PSMD14: variants seen among roughly 807,000 people sequenced by gnomAD.
The protein encoded by PSMD14 is proteasome 26S subunit, non-ATPase 14, also known as ubiquitin C-terminal hydrolase PSMD14.
Under a neutral mutation model 41.2 loss-of-function variants are expected in PSMD14, and 7 were observed. The ratio of observed to expected loss-of-function variants is 0.17; its 90% CI spans 0.10 to 0.32. The LOEUF is 0.32. Ranked by LOEUF, PSMD14 falls within the 10% of genes least tolerant of loss-of-function variation. The pLI, the probability that PSMD14 is intolerant of heterozygous loss-of-function variation, is 1.00. For synonymous variants in PSMD14, 114 were observed against 122.3 expected (o/e 0.93, Z 0.45); for missense variants, 139 against 375.6 (o/e 0.37, Z 5.21).
rs36202166 is a variant in PSMD14 at position 161,366,387 on chromosome 2, AACACACACACAC to A, written c.49-1067_49-1056del. On this transcript the variant is annotated intron_variant, in intron 3 of 11. Transcript: ENST00000409682. The stretch of plus-strand genomic sequence containing the variant: ...AAAACAATACAAAGTAATAGAATTT[AACACACACACAC>A]ACACACACACACACACACACACAAA... Among the ~76,000 whole-genome samples, 34 of 148,508 alleles carry A rather than the reference AACACACACACAC, an allele frequency of 2.3e-4. 1 individual carries two copies. The highest frequency in any genetic ancestry group is 1.1e-3 in the South Asian group (5 of 4,620).
At chr2:161,342,406 G>C (rs1054456305) in intron 3 of PSMD14, among the ~76,000 whole-genome samples, 1 of 151,844 alleles carries the variant, frequency 6.6e-6, no homozygotes, top group African/African-American at 2.4e-5. Context: ...ATGATTATAT[G>C]ACTCCTTTGT....
chr2:161,359,783 A>G (rs1039114668), intron 3 of PSMD14, among the ~76,000 whole-genome samples: 1 of 152,220 alleles, frequency 6.6e-6, no homozygotes, highest in Non-Finnish European at 1.5e-5. Context: ...CTCCCAGAAT[A>G]AAAGTAGACT....
At chr2:161,388,687 T>A (rs532084980) in intron 8 of PSMD14, among the ~76,000 whole-genome samples, 1 of 152,254 alleles carries the variant, frequency 6.6e-6, no homozygotes, top group South Asian at 2.1e-4. Flanking sequence ...AGTTTATCAA[T>A]ATAAAATAAA....
At chr2:161,355,327 ATAT>A (rs1469294417) in intron 3 of PSMD14, among the ~76,000 whole-genome samples, 4 of 152,120 alleles carry the variant, frequency 2.6e-5, no homozygotes, top group Non-Finnish European at 4.4e-5. Context: ...TCTTACTCTG[ATAT>A]TATGAGTTTT....
At chr2:161,372,862 A>G (rs1355547825) in intron 7 of PSMD14, among the ~76,000 whole-genome samples, 2 of 151,940 alleles carry the variant, frequency 1.3e-5, no homozygotes, top group Non-Finnish European at 2.9e-5. Context: ...GTAATAATTA[A>G]AGCTTAATTT....
chr2:161,405,990 AAAAC>A (rs1683942741), intron 10 of PSMD14, among the ~76,000 whole-genome samples: 2 of 152,114 alleles, frequency 1.3e-5, no homozygotes, highest in African/African-American at 4.8e-5. Flanking sequence ...CAGAAAGTTA[AAAAC>A]AACAACAACA....
chr2:161,335,180 A>G (rs1159829953), intron 3 of PSMD14, among the ~76,000 whole-genome samples: 8 of 152,258 alleles, frequency 5.3e-5, no homozygotes, highest in Non-Finnish European at 1.2e-4. Flanking sequence ...TCAGAATACA[A>G]ATGGGCACAT....
At chr2:161,334,075 G>A (rs1325915560) in intron 3 of PSMD14, among the ~76,000 whole-genome samples, 1 of 152,062 alleles carries the variant, frequency 6.6e-6, no homozygotes, top group East Asian at 1.9e-4. Context: ...GCTCACACCT[G>A]TAATCCTAGC....
chr2:161,354,194 G>A (rs1457247857), intron 3 of PSMD14, among the ~76,000 whole-genome samples: 1 of 152,018 alleles, frequency 6.6e-6, no homozygotes, highest in Non-Finnish European at 1.5e-5. Flanking sequence ...TATATTTTCT[G>A]GTTTCTGAAG....
At chr2:161,341,768 G>A (rs1350413773) in intron 3 of PSMD14, among the ~76,000 whole-genome samples, 1 of 149,974 alleles carries the variant, frequency 6.7e-6, no homozygotes, top group Admixed American at 6.6e-5. Flanking sequence ...GAACCCGGGA[G>A]GCAAAGGTTG....
intron 3 of PSMD14, among the ~76,000 whole-genome samples, chr2:161,363,365 C>A (rs1179980065): frequency 6.6e-6 from 1 of 152,134 alleles, no homozygotes; most frequent in Non-Finnish European, 1.5e-5. Context: ...TTTGGGACAT[C>A]TAGAAATTTA....
intron 7 of PSMD14, among the ~76,000 whole-genome samples, chr2:161,377,353 G>A (rs1044386574): frequency 7.3e-5 from 11 of 151,708 alleles, no homozygotes; most frequent in African/African-American, 2.7e-4. Context: ...CTTGGAACAA[G>A]TTTTGTTACT....
intron 1 of PSMD14, among the ~76,000 whole-genome samples, chr2:161,315,695 A>G (rs1689140268): frequency 6.6e-6 from 1 of 152,162 alleles, no homozygotes; most frequent in African/African-American, 2.4e-5. Context: ...ATGATAAAAT[A>G]GCAAATTTTC....
chr2:161,368,544 T>G (rs1683390662), intron 5 of PSMD14, among the ~76,000 whole-genome samples: 1 of 152,082 alleles, frequency 6.6e-6, no homozygotes, highest in Non-Finnish European at 1.5e-5. Flanking sequence ...TAGACTTGTG[T>G]TGATAGATGT....
intron 3 of PSMD14, among the ~76,000 whole-genome samples, chr2:161,351,950 A>G (rs894360732): frequency 6.6e-6 from 1 of 152,210 alleles, no homozygotes; most frequent in Non-Finnish European, 1.5e-5. Context: ...GAAATATTTC[A>G]GGGAGAGCAG....
At chr2:161,369,012 A>T (rs1683396604) in intron 5 of PSMD14, among the ~76,000 whole-genome samples, 1 of 151,960 alleles carries the variant, frequency 6.6e-6, no homozygotes, top group Non-Finnish European at 1.5e-5. Flanking sequence ...TACATTTGGA[A>T]ATAGAGAAAC....
At chr2:161,364,975 G>GC (rs1683339486) in intron 3 of PSMD14, among the ~76,000 whole-genome samples, 1 of 152,060 alleles carries the variant, frequency 6.6e-6, no homozygotes, top group Non-Finnish European at 1.5e-5. Flanking sequence ...GTGGTGACAT[G>GC]CCCCTTGTAA....
intron 3 of PSMD14, among the ~76,000 whole-genome samples, chr2:161,324,460 A>C (rs1272786412): frequency 6.6e-6 from 1 of 152,184 alleles, no homozygotes; most frequent in Non-Finnish European, 1.5e-5. Context: ...TGAGTTTTGA[A>C]ATATGTGTCA....
At position 161,365,524 on chromosome 2, in the gene PSMD14, T is replaced by C. The variant is rs560894726; in HGVS notation, c.49-1954T>C. Among the ~76,000 whole-genome samples, 5 of 152,258 alleles carry C rather than the reference T, an allele frequency of 3.3e-5. No individual in the cohort carries two copies. The East Asian group carries it at 5.8e-4, about 18-fold the overall frequency. Reference sequence around the variant, plus strand: ...GGTTTGATGTTTTATTTCCCTTTTTTTCTAAAAAAAAATATTTTCAGGCAA... The same window carrying C: ...GGTTTGATGTTTTATTTCCCTTTTTCTCTAAAAAAAAATATTTTCAGGCAA... On this transcript the variant is annotated intron_variant, in intron 3 of 11. Transcript: ENST00000409682.
Sources: allele counts gnomAD v4.1 joint callset (sites outside exome capture counted in the v4.1 genomes callset), GRCh38; gene constraint gnomAD v4.1.1; transcripts MANE v1.5; gene names NCBI Gene and HGNC (gene_info 2026-07-23, HGNC 2026-07-21).